NRXN1: variants seen among roughly 807,000 people sequenced by gnomAD.
NRXN1 encodes the protein neurexin 1.
A neutral mutation model predicts 150.9 loss-of-function variants in NRXN1; 39 were observed. That is an observed-to-expected ratio of 0.26 (90% confidence interval 0.20 to 0.34). NRXN1 has a LOEUF of 0.34. NRXN1 is among the 10% of genes least tolerant of loss of function. NRXN1 has a pLI of 1.00. For missense variants in NRXN1, 1,815 were observed against 1,949.9 expected (o/e 0.93, Z 1.30); for synonymous variants, 924 against 757.0 (o/e 1.22, Z -3.62).
At chr2:50,782,826 C>G (rs1311007676) in intron 5 of NRXN1, among the ~76,000 whole-genome samples, 1 of 152,042 alleles carries the variant, frequency 6.6e-6, no homozygotes, top group Non-Finnish European at 1.5e-5. Context: ...ATGGAAAATG[C>G]ATACTTGAAG....
rs78223588 is a variant in NRXN1 at position 50,666,263 on chromosome 2, T to G, written c.833-42648A>C. On this transcript the variant is annotated intron_variant, in intron 5 of 22. Coordinates refer to ENST00000401669, the MANE Select transcript of NRXN1 (RefSeq NM_001330078.2). ...GCTCTCATTGCTCAGTAGTATTTCTTGCATGTATATGCCATATTAGTCTAT... is the reference window on the plus strand; with the variant it reads ...GCTCTCATTGCTCAGTAGTATTTCTGGCATGTATATGCCATATTAGTCTAT... Among the ~76,000 whole-genome samples, 9 of 152,096 alleles carry G rather than the reference T, an allele frequency of 5.9e-5. No individual in the cohort carries two copies. In the East Asian group the frequency reaches 1.7e-3, roughly 30 times the overall value.
intron 17 of NRXN1, among the ~76,000 whole-genome samples, chr2:50,406,127 A>G (rs912555009): frequency 6.6e-6 from 1 of 152,084 alleles, no homozygotes; most frequent in African/African-American, 2.4e-5. Context: ...TTTTGATGCC[A>G]TATCATGCTT....
In NRXN1 at chr2:50,020,851, TCTC is replaced by T. The variant is rs558216565; in HGVS notation, c.4128+32417_4128+32419del. ...ATTTTATTAAATCTCTACCAAAATC[TCTC>T]CTGACACATTCCTTTCTCTTTCTAC... On this transcript the variant is annotated intron_variant, in intron 21 of 22. Transcript: ENST00000401669. Among the ~76,000 whole-genome samples, 491 of 152,306 alleles carry T rather than the reference TCTC, an allele frequency of 3.2e-3. 1 individual carries two copies. Among genetic ancestry groups the T allele is most frequent in the Non-Finnish European group, 5.2e-3 (351 of 68,020 alleles).
At chr2:50,125,423 C>T (rs1418638919) in intron 18 of NRXN1, among the ~76,000 whole-genome samples, 1 of 152,002 alleles carries the variant, frequency 6.6e-6, no homozygotes, top group Non-Finnish European at 1.5e-5. Context: ...TATAAGATTA[C>T]ACATCTGGCT....
chr2:50,842,289 C>A (rs767412794), intron 5 of NRXN1, among the ~76,000 whole-genome samples: 1 of 152,124 alleles, frequency 6.6e-6, no homozygotes, highest in Non-Finnish European at 1.5e-5. Flanking sequence ...ATATCCATAT[C>A]TGGGAACAGT....
At chr2:50,075,072 T>G (rs1025165009) in intron 19 of NRXN1, among the ~76,000 whole-genome samples, 1 of 152,168 alleles carries the variant, frequency 6.6e-6, no homozygotes, top group Non-Finnish European at 1.5e-5. Flanking sequence ...GTCAGGAAAA[T>G]GTATATCAGG....
intron 13 of NRXN1, among the ~76,000 whole-genome samples, chr2:50,505,347 T>C (rs142654653): frequency 4.6e-5 from 7 of 152,220 alleles, no homozygotes; most frequent in Admixed American, 4.6e-4. Flanking sequence ...GGAATATGTG[T>C]GTCCTATCTA....
intron 16 of NRXN1, among the ~76,000 whole-genome samples, chr2:50,469,418 G>A (rs1322129004): frequency 6.6e-6 from 1 of 151,608 alleles, no homozygotes; most frequent in African/African-American, 2.4e-5. Flanking sequence ...GTGTGTGGGT[G>A]TATTGGATAG....
At chr2:50,831,985 A>G (rs2105890895) in intron 5 of NRXN1, among the ~76,000 whole-genome samples, 1 of 152,304 alleles carries the variant, frequency 6.6e-6, no homozygotes, top group South Asian at 2.1e-4. Flanking sequence ...GGAAGGCTTT[A>G]AATAATAACT....
intron 21 of NRXN1, among the ~76,000 whole-genome samples, chr2:50,034,782 T>G (rs1233245443): frequency 6.6e-6 from 1 of 152,090 alleles, no homozygotes; most frequent in Non-Finnish European, 1.5e-5. Context: ...TGTACCCTAT[T>G]TCTATCATAT....
intron 21 of NRXN1, among the ~76,000 whole-genome samples, chr2:49,964,494 T>G (rs1037212460): frequency 2.0e-5 from 3 of 148,854 alleles, no homozygotes; most frequent in East Asian, 4.0e-4. Context: ...GCGGGAAAAT[T>G]GCTTGAACTA....
chr2:50,565,370 G>A (rs867195098), intron 8 of NRXN1, among the ~76,000 whole-genome samples: 6 of 151,530 alleles, frequency 4.0e-5, no homozygotes, highest in South Asian at 2.1e-4. Flanking sequence ...AGATATAATC[G>A]GTTTATTCAC....
intron 8 of NRXN1, among the ~76,000 whole-genome samples, chr2:50,558,841 T>C (rs1330650748): frequency 6.6e-6 from 1 of 151,986 alleles, no homozygotes; most frequent in African/African-American, 2.4e-5. Flanking sequence ...GGGCGGATCA[T>C]GGAGGAGGGC....
intron 19 of NRXN1, among the ~76,000 whole-genome samples, chr2:50,087,225 CT>C (rs936798093): frequency 2.6e-5 from 4 of 151,886 alleles, no homozygotes; most frequent in African/African-American, 7.3e-5. Flanking sequence ...TAATCTTGAA[CT>C]TTTTTTTGCC....
chr2:50,833,280 A>G (rs1464935397), intron 5 of NRXN1, among the ~76,000 whole-genome samples: 2 of 152,204 alleles, frequency 1.3e-5, no homozygotes, highest in African/African-American at 2.4e-5. Context: ...GCAGTATCCT[A>G]TAAAATTAAA....
At chr2:50,137,508 T>C (rs1415472907) in intron 18 of NRXN1, among the ~76,000 whole-genome samples, 1 of 152,122 alleles carries the variant, frequency 6.6e-6, no homozygotes, top group East Asian at 1.9e-4. Flanking sequence ...TGACTGCAAC[T>C]AGATTTCCCA....
intron 5 of NRXN1, among the ~76,000 whole-genome samples, chr2:50,914,362 C>T (rs937280720): frequency 6.6e-6 from 1 of 151,474 alleles, no homozygotes; most frequent in Non-Finnish European, 1.5e-5. Context: ...TGAAACTTTC[C>T]ATCACAAATT....
intron 5 of NRXN1, among the ~76,000 whole-genome samples, chr2:50,713,855 T>C (rs1164413457): frequency 1.3e-5 from 2 of 152,166 alleles, no homozygotes; most frequent in South Asian, 2.1e-4. Context: ...CTGGTCTTCT[T>C]TGAAAGATTG....
At chr2:50,051,893 A>T (rs1464269633) in intron 21 of NRXN1, among the ~76,000 whole-genome samples, 1 of 152,116 alleles carries the variant, frequency 6.6e-6, no homozygotes, top group East Asian at 1.9e-4. Flanking sequence ...TTTTGTAGCC[A>T]CATGCAAATA....
Sources: gnomAD v4.1 joint callset for allele counts (sites outside exome capture counted in the v4.1 genomes callset) on GRCh38, gnomAD v4.1.1 for gene constraint, MANE v1.5 for transcripts, NCBI Gene and HGNC (gene_info 2026-07-23, HGNC 2026-07-21) for gene names.